VTI1A: variants seen among roughly 807,000 people sequenced by gnomAD.
VTI1A encodes the protein vesicle transport through interaction with t-SNAREs homolog 1A.
A neutral mutation model predicts 34.9 loss-of-function variants in VTI1A; 22 were observed. The ratio of observed to expected loss-of-function variants is 0.63; its 90% CI spans 0.45 to 0.90. The LOEUF is 0.90. VTI1A is among the 40% of genes least tolerant of loss of function. The pLI is 0.00. For missense variants in VTI1A, 268 were observed against 275.6 expected (o/e 0.97, Z 0.20); for synonymous variants, 87 against 97.3 (o/e 0.89, Z 0.62).
chr10:112,583,168 T>C (rs1844015960), intron 5 of VTI1A, among the ~76,000 whole-genome samples: 1 of 152,216 alleles, frequency 6.6e-6, no homozygotes, highest in South Asian at 2.1e-4. Context: ...ACTCGTACTT[T>C]CATGATTCTC....
rs558420977 is a variant in VTI1A, at chr10:112,668,674, A to G, written c.499-263A>G. Among the ~76,000 whole-genome samples, 71 of 152,300 alleles carry G rather than the reference A, an allele frequency of 4.7e-4. 1 individual carries two copies. In the Middle Eastern group the frequency reaches 0.01, roughly 22 times the overall value. On this transcript the variant is annotated intron_variant, in intron 6 of 7. Transcript: ENST00000393077. ...AAGCTGGAGATGAATTACCAAATGT[A>G]TATGAAACTTTTTCAGCCTGTGCTT... is the stretch of plus-strand genomic sequence containing the variant.
rs527270922 is a variant in VTI1A at position 112,755,069 on chromosome 10, A to G, written c.561-60221A>G. Among the ~76,000 whole-genome samples the G allele has an allele frequency of 1.4e-4, 22 of 152,174 alleles. No homozygotes were observed. The South Asian group carries it at 4.6e-3, about 32-fold the overall frequency. Reference sequence around the variant, plus strand: ...CAGGAGTTCAAAACCAGCATGGCCAACAGGGCGAAACCCTGTCTATACTAA... The same window carrying G: ...CAGGAGTTCAAAACCAGCATGGCCAGCAGGGCGAAACCCTGTCTATACTAA... On this transcript the variant is annotated intron_variant, in intron 7 of 7. Coordinates refer to ENST00000393077, the MANE Select transcript of VTI1A (RefSeq NM_145206.4).
chr10:112,854,391 T>C, the VTI1A span, among the ~76,000 whole-genome samples: 1 of 151,984 alleles, frequency 6.6e-6, no homozygotes, highest in Non-Finnish European at 1.5e-5. Flanking sequence ...AGGGATAGAG[T>C]CAAGAATTTC....
At chr10:112,765,679 A>G (rs1231918931) in intron 7 of VTI1A, among the ~76,000 whole-genome samples, 1 of 152,202 alleles carries the variant, frequency 6.6e-6, no homozygotes, top group Non-Finnish European at 1.5e-5. Flanking sequence ...AAATAATCGC[A>G]CAAATTTGAA....
intron 5 of VTI1A, among the ~76,000 whole-genome samples, chr10:112,659,602 T>C (rs1013535358): frequency 5.3e-5 from 8 of 152,210 alleles, no homozygotes; most frequent in African/African-American, 1.7e-4. Flanking sequence ...TTTTTTTAAT[T>C]GCTTAATGAT....
chr10:112,788,880 A>T (rs10400062), intron 7 of VTI1A, among the ~76,000 whole-genome samples: 117,946 of 151,936 alleles, frequency 0.78, 46,076 homozygotes, highest in East Asian at 0.94. Flanking sequence ...CTTTTCATGA[A>T]CTACTTCAGG....
intron 5 of VTI1A, among the ~76,000 whole-genome samples, chr10:112,595,223 G>A (rs1163295194): frequency 7.1e-6 from 1 of 140,920 alleles, no homozygotes; most frequent in African/African-American, 2.7e-5. Context: ...AGAAAACCTA[G>A]GCATTACCAT....
At chr10:112,837,904 T>C in the VTI1A span, among the ~76,000 whole-genome samples, 168 of 151,894 alleles carry the variant, frequency 1.1e-3, no homozygotes, top group African/African-American at 3.7e-3. Context: ...AGGGAGGGAG[T>C]ACCCAGCTCA....
At chr10:112,560,989 G>T (rs772472346) in intron 5 of VTI1A, among the ~76,000 whole-genome samples, 1 of 151,998 alleles carries the variant, frequency 6.6e-6, no homozygotes, top group Admixed American at 6.6e-5. Flanking sequence ...AGAAGATTTC[G>T]TGTGGTTTTA....
intron 5 of VTI1A, among the ~76,000 whole-genome samples, chr10:112,542,557 C>T (rs1437045022): frequency 2.0e-5 from 3 of 152,250 alleles, no homozygotes; most frequent in South Asian, 2.1e-4. Context: ...CTTCCTGCCA[C>T]GAAGAAGAGG....
chr10:112,576,982 T>G (rs1376205108), intron 5 of VTI1A, among the ~76,000 whole-genome samples: 1 of 152,250 alleles, frequency 6.6e-6, no homozygotes, highest in Admixed American at 6.5e-5. Flanking sequence ...AGTCTTGATT[T>G]CTAAATTGAT....
chr10:112,660,058 G>C (rs1847386746), intron 5 of VTI1A, among the ~76,000 whole-genome samples: 1 of 152,172 alleles, frequency 6.6e-6, no homozygotes, highest in African/African-American at 2.4e-5. Context: ...CCGTGCTCTA[G>C]TTTTCTTATA....
Position 112,563,748 on chromosome 10 carries a change from A to C in VTI1A, c.427+25418A>C, listed in dbSNP as rs571620423. ...TTAAGTTGAGAAAGTACTGAAGTAG[A>C]AACTACTGGCAAATTTAATTTTAAT... On this transcript the variant is annotated intron_variant, in intron 5 of 7. Transcript: ENST00000393077. Among the ~76,000 whole-genome samples the C allele has an allele frequency of 2.6e-5, 4 of 152,354 alleles. No homozygotes were observed. The East Asian group carries it at 7.7e-4, about 29-fold the overall frequency.
At chr10:112,581,054 A>G (rs1843909680) in intron 5 of VTI1A, among the ~76,000 whole-genome samples, 2 of 152,270 alleles carry the variant, frequency 1.3e-5, no homozygotes, top group South Asian at 4.1e-4. Flanking sequence ...CATAGTTCCT[A>G]GGAAGATCAA....
chr10:112,781,652 C>G (rs915799807), intron 7 of VTI1A, among the ~76,000 whole-genome samples: 1 of 151,752 alleles, frequency 6.6e-6, no homozygotes, highest in Non-Finnish European at 1.5e-5. Flanking sequence ...ACCAGCCTGG[C>G]CAACATGGTG....
chr10:112,738,572 G>T (rs1288304680), intron 7 of VTI1A, among the ~76,000 whole-genome samples: 1 of 152,176 alleles, frequency 6.6e-6, no homozygotes, highest in East Asian at 1.9e-4. Flanking sequence ...TATTTTGTGG[G>T]TGGAGAGAAA....
At chr10:112,496,562 C>T (rs1486141867) in intron 3 of VTI1A, among the ~76,000 whole-genome samples, 3 of 151,438 alleles carry the variant, frequency 2.0e-5, no homozygotes, top group African/African-American at 7.3e-5. Context: ...CAGAGCAAGA[C>T]TCCATCTCAA....
chr10:112,707,518 G>A (rs746437872), intron 7 of VTI1A, among the ~76,000 whole-genome samples: 16 of 152,064 alleles, frequency 1.1e-4, no homozygotes, highest in Non-Finnish European at 1.9e-4. Context: ...ATTTTTAGTA[G>A]AGACAGGGTT....
At chr10:112,607,568 T>C (rs1407146607) in intron 5 of VTI1A, among the ~76,000 whole-genome samples, 1 of 152,236 alleles carries the variant, frequency 6.6e-6, no homozygotes, top group African/African-American at 2.4e-5. Flanking sequence ...AGTATCCTAC[T>C]GCCCCACTTC....
Sources: gnomAD v4.1 joint callset for allele counts (sites outside exome capture counted in the v4.1 genomes callset) on GRCh38, gnomAD v4.1.1 for gene constraint, MANE v1.5 for transcripts, NCBI Gene and HGNC (gene_info 2026-07-23, HGNC 2026-07-21) for gene names.